Variants in KCNN2 observed in about 807,000 individuals in gnomAD.
KCNN2 encodes the protein small conductance calcium-activated potassium channel protein 2.
A neutral mutation model predicts 55.5 loss-of-function variants in KCNN2; 24 were observed. That is an observed-to-expected ratio of 0.43 (90% CI 0.31 to 0.61). KCNN2 has a LOEUF of 0.61. Ranked by LOEUF, KCNN2 falls within the 20% of genes least tolerant of loss-of-function variation. KCNN2 has a pLI of 0.08. For missense variants in KCNN2, 754 were observed against 853.6 expected (o/e 0.88, Z 1.45); for synonymous variants, 431 against 336.1 (o/e 1.28, Z -3.09).
intron 2 of KCNN2, among the ~76,000 whole-genome samples, chr5:114,368,915 G>C (rs1388122175): frequency 1.3e-5 from 2 of 151,776 alleles, no homozygotes; most frequent in African/African-American, 4.8e-5. Flanking sequence ...TGGATGTACT[G>C]TGGTTTACTT....
intron 1 of KCNN2, among the ~76,000 whole-genome samples, chr5:114,161,025 G>A (rs1052814028): frequency 1.3e-5 from 2 of 152,158 alleles, no homozygotes; most frequent in African/African-American, 4.8e-5. Context: ...GTATTGTTAT[G>A]TGTGAATTTG....
intron 2 of KCNN2, among the ~76,000 whole-genome samples, chr5:114,225,980 A>G (rs957139688): frequency 6.6e-6 from 1 of 152,238 alleles, no homozygotes; most frequent in African/African-American, 2.4e-5. Flanking sequence ...AGTGAAATTC[A>G]TACAACTGTG....
At chr5:114,234,149 C>G (rs6594803) in intron 2 of KCNN2, among the ~76,000 whole-genome samples, 1 of 152,072 alleles carries the variant, frequency 6.6e-6, no homozygotes, top group East Asian at 1.9e-4. Flanking sequence ...ATTGAGGATA[C>G]CAAACTGTTC....
At chr5:114,490,741 TC>T in intron 6 of KCNN2, 1 of 398,210 alleles carries the variant, frequency 2.5e-6, no homozygotes, top group Non-Finnish European at 4.4e-6. Flanking sequence ...TGCAGAATTT[TC>T]TACTGGCTGC....
chr5:114,217,891 A>G (rs755704336), intron 1 of KCNN2, among the ~76,000 whole-genome samples: 1 of 152,214 alleles, frequency 6.6e-6, no homozygotes, highest in Admixed American at 6.5e-5. Context: ...AAAGAACTTA[A>G]AATTCAACAA....
intron 5 of KCNN2, among the ~76,000 whole-genome samples, chr5:114,474,908 C>T (rs1365479241): frequency 6.6e-6 from 1 of 151,520 alleles, no homozygotes; most frequent in African/African-American, 2.4e-5. Context: ...AAAAAAGTGA[C>T]AGAATCACAA....
At chr5:114,174,516 G>C (rs1327767210) in intron 1 of KCNN2, among the ~76,000 whole-genome samples, 1 of 152,084 alleles carries the variant, frequency 6.6e-6, no homozygotes, top group Non-Finnish European at 1.5e-5. Flanking sequence ...CTTCTGAACT[G>C]ACCTTTGCCT....
intron 1 of KCNN2, among the ~76,000 whole-genome samples, chr5:114,193,012 A>C (rs1398839793): frequency 1.3e-5 from 2 of 152,196 alleles, no homozygotes; most frequent in African/African-American, 2.4e-5. Context: ...AAATATAAAC[A>C]CAAAAAGGCT....
chr5:114,464,231 A>T (rs528895067), intron 4 of KCNN2, among the ~76,000 whole-genome samples: 2 of 152,308 alleles, frequency 1.3e-5, no homozygotes, highest in East Asian at 3.9e-4. Flanking sequence ...ACTTCTAAAT[A>T]TTTAAGCCAG....
chr5:114,253,183 C>G (rs369737376), intron 2 of KCNN2, among the ~76,000 whole-genome samples: 1 of 146,776 alleles, frequency 6.8e-6, no homozygotes, highest in Non-Finnish European at 1.5e-5. Flanking sequence ...TCTTTCCATT[C>G]CATCTGGAAT....
At position 114,133,339 on chromosome 5, in the gene KCNN2, T is replaced by C. The variant is rs557070801; in HGVS notation, c.-271+76839T>C. Among the ~76,000 whole-genome samples the C allele has an allele frequency of 3.3e-5, 5 of 152,368 alleles. No individual in the cohort carries two copies. The South Asian group carries it at 8.3e-4, about 25-fold the overall frequency. ...ATACCATGTGATTTAGCTGTCCTTTTACTTTTAAAGTGCCTTCTTAAAATT... is the reference window on the plus strand; with the variant it reads ...ATACCATGTGATTTAGCTGTCCTTTCACTTTTAAAGTGCCTTCTTAAAATT... On this transcript the variant is annotated intron_variant, in intron 1 of 10. Transcript: ENST00000512097.
intron 1 of KCNN2, 134 bp from the exon 2 acceptor site, chr5:114,363,772 A>G: frequency 1.6e-6 from 1 of 635,782 alleles, no homozygotes. Context: ...GAGCCAAGAC[A>G]GGTGCACCCC....
chr5:114,101,335 T>G (rs1751368041), intron 1 of KCNN2, among the ~76,000 whole-genome samples: 1 of 151,794 alleles, frequency 6.6e-6, no homozygotes, highest in Non-Finnish European at 1.5e-5. Context: ...ATATTGGTCC[T>G]GGTGCAGTAG....
intron 1 of KCNN2, among the ~76,000 whole-genome samples, chr5:114,190,845 G>A (rs1753435743): frequency 6.6e-6 from 1 of 152,136 alleles, no homozygotes; most frequent in Non-Finnish European, 1.5e-5. Flanking sequence ...CTAAATGCTT[G>A]TAGTGATTTT....
chr5:114,152,984 T>C (rs900670771), intron 1 of KCNN2, among the ~76,000 whole-genome samples: 6 of 152,048 alleles, frequency 3.9e-5, no homozygotes, highest in African/African-American at 1.4e-4. Flanking sequence ...CTGGTGATAA[T>C]AGTGATGAAG....
In KCNN2 at chr5:114,362,488, TGC is replaced by T; in HGVS notation, c.350_351del (p.Cys117PhefsTer165). On this transcript the variant is annotated frameshift_variant, in exon 1 of 8. Coordinates refer to ENST00000673685, the MANE Select transcript of KCNN2 (RefSeq NM_021614.4). LOFTEE classifies it high-confidence loss of function. ...GGGCTCGTCCTGCTGCTGCTGCTGC[TGC>T]TCGTCGCGCCGGGGCAGCCAGCTCA... is the stretch of plus-strand genomic sequence containing the variant. ...LSGSSCCCCC[C>X]SSRRGSQLNV... 2 of 462,458 alleles carry T rather than the reference TGC, an allele frequency of 4.3e-6. No homozygotes were observed. The highest frequency in any genetic ancestry group is 3.9e-5 in the South Asian group (1 of 25,476). 28.6% of individuals were successfully genotyped at this position (462,458 alleles called of 1,614,324 possible). A position where few individuals can be genotyped will look rare whatever the true frequency, so the allele number is the denominator to read the frequency against.
chr5:114,267,420 C>T lies in KCNN2; in HGVS notation c.-185+45855C>T, dbSNP rs117097119. On this transcript the variant is annotated intron_variant, in intron 2 of 10. Coordinates refer to the KCNN2 transcript ENST00000512097. ...CTTATGCTCACAGAACTGCCCTTTACGCCTTGCTGGGGGAACTTTTGAGTA... is the reference window on the plus strand; with the variant it reads ...CTTATGCTCACAGAACTGCCCTTTATGCCTTGCTGGGGGAACTTTTGAGTA... Among the ~76,000 whole-genome samples, 132 of 152,240 alleles carry T rather than the reference C, an allele frequency of 8.7e-4. 1 individual carries two copies. In the East Asian group the frequency reaches 0.023, roughly 26 times the overall value.
At chr5:114,460,464 G>A (rs1232426715) in intron 3 of KCNN2, among the ~76,000 whole-genome samples, 2 of 152,016 alleles carry the variant, frequency 1.3e-5, no homozygotes, top group African/African-American at 2.4e-5. Context: ...AGCTGGTCCC[G>A]AACTCCTGAC....
chr5:114,237,256 T>TCTCACA (rs1554076228), intron 2 of KCNN2, among the ~76,000 whole-genome samples: 1 of 138,510 alleles, frequency 7.2e-6, no homozygotes, highest in Non-Finnish European at 1.5e-5. Context: ...TTGTCAAAAT[T>TCTCACA]CACACACACA....
Sources: allele counts gnomAD v4.1 joint callset (sites outside exome capture counted in the v4.1 genomes callset), GRCh38; gene constraint gnomAD v4.1.1; transcripts MANE v1.5; gene names NCBI Gene and HGNC (gene_info 2026-07-23, HGNC 2026-07-21).